SYT9: variants seen among roughly 807,000 people sequenced by gnomAD.
SYT9 encodes synaptotagmin-9.
A neutral mutation model predicts 48.4 loss-of-function variants in SYT9; 22 were observed. That is an observed-to-expected ratio of 0.45 (90% CI 0.32 to 0.65). The LOEUF is 0.65. Among genes scored for constraint, SYT9 ranks in the 30% least tolerant of loss-of-function variants. The pLI is 0.03. For synonymous variants in SYT9, 265 were observed against 245.0 expected (o/e 1.08, Z -0.76); for missense variants, 577 against 622.0 (o/e 0.93, Z 0.77).
chr11:7,249,164 C>A (rs1847829488), upstream of SYT9, among the ~76,000 whole-genome samples: 1 of 152,186 alleles, frequency 6.6e-6, no homozygotes, highest in Non-Finnish European at 1.5e-5. Flanking sequence ...ATTAGGGCTT[C>A]AACATAAGAA....
Position 7,344,929 on chromosome 11 carries a change from TACACACACAC to T in SYT9, c.1044+31013_1044+31022del, listed in dbSNP as rs60652691. On this transcript the variant is annotated intron_variant, in intron 3 of 6. Coordinates refer to ENST00000318881, the MANE Select transcript of SYT9 (RefSeq NM_175733.4). ...GAATTTTATAATCAGCTCATTATTT[TACACACACAC>T]ACACACACACACACACACACACACT... is the stretch of plus-strand genomic sequence containing the variant. Among the ~76,000 whole-genome samples, 386 of 148,986 alleles carry T rather than the reference TACACACACAC, an allele frequency of 2.6e-3. 1 individual carries two copies. Among genetic ancestry groups the T allele is most frequent in the African/African-American group, 6.5e-3 (265 of 40,596 alleles).
At position 7,466,658 on chromosome 11, in the gene SYT9, T is replaced by G. The variant is rs1590049483; in HGVS notation, c.1468-134T>G. The G allele has an allele frequency of 3.8e-6, 3 of 782,716 alleles. No individual in the cohort carries two copies. In the South Asian group the frequency reaches 5.4e-5, roughly 14 times the overall value. The allele number at this position is 782,716 out of a possible 1,614,324, so 48.5% of individuals were successfully genotyped here. On this transcript the variant is annotated intron_variant, in intron 6 of 6. Transcript: ENST00000318881. ...ATTGCTTGAACCCAGGAGGCGGAGGTTGCAGTGAGCCAAGATCGCGCCACT... is the reference window on the plus strand; with the variant it reads ...ATTGCTTGAACCCAGGAGGCGGAGGGTGCAGTGAGCCAAGATCGCGCCACT...
chr11:7,449,160 A>T lies in SYT9; in HGVS notation c.1468-17632A>T, dbSNP rs368021684. On this transcript the variant is annotated intron_variant, in intron 6 of 6. Transcript: ENST00000318881. ...GGAGTTTGAGACCAGCCTAGACAAC[A>T]TGGCAAAACCCTGTCTCTACTAAAA... Among the ~76,000 whole-genome samples the T allele has an allele frequency of 1.8e-4, 28 of 152,116 alleles. No homozygotes were observed. In the East Asian group the frequency reaches 5.4e-3, roughly 29 times the overall value.
At chr11:7,407,297 T>C (rs1222172787) in intron 3 of SYT9, among the ~76,000 whole-genome samples, 3 of 151,954 alleles carry the variant, frequency 2.0e-5, no homozygotes, top group Non-Finnish European at 4.4e-5. Context: ...GAATGATGTC[T>C]TGAAATGTTT....
At chr11:7,449,071 TG>T (rs1847990975) in intron 6 of SYT9, among the ~76,000 whole-genome samples, 1 of 152,034 alleles carries the variant, frequency 6.6e-6, no homozygotes, top group South Asian at 2.1e-4. Flanking sequence ...AGGTCAGGCA[TG>T]GTGGCTCACA....
At chr11:7,282,238 A>G (rs925610747) in intron 1 of SYT9, among the ~76,000 whole-genome samples, 2 of 152,220 alleles carry the variant, frequency 1.3e-5, no homozygotes, top group African/African-American at 4.8e-5. Context: ...AAAATAAGCA[A>G]CATTCTTTCA....
chr11:7,309,295 G>A lies in SYT9; in HGVS notation c.498-4100G>A, dbSNP rs954968188. On this transcript the variant is annotated intron_variant, in intron 2 of 6. Coordinates refer to ENST00000318881, the MANE Select transcript of SYT9 (RefSeq NM_175733.4). ...CATTAGGGTGTGGCTTATTAGTAGA[G>A]GAGATCATCTCTCAACTTTCCTTCT... Among the ~76,000 whole-genome samples, 4 of 152,270 alleles carry A rather than the reference G, an allele frequency of 2.6e-5. No homozygotes were observed. In the East Asian group the frequency reaches 5.8e-4, roughly 22 times the overall value.
chr11:7,277,579 A>C (rs989763583), intron 1 of SYT9, among the ~76,000 whole-genome samples: 2 of 152,240 alleles, frequency 1.3e-5, no homozygotes, highest in African/African-American at 4.8e-5. Context: ...GCACTTTTTC[A>C]GCAGTAAAGT....
rs1348749058 is a variant in SYT9 at position 7,367,089 on chromosome 11, TTTTTTTTTTC to T, written c.1045-48952_1045-48943del. On this transcript the variant is annotated intron_variant, in intron 3 of 6. Coordinates refer to ENST00000318881, the MANE Select transcript of SYT9 (RefSeq NM_175733.4). ...GAGACCATCTTTTTTTTTTTTTTTT[TTTTTTTTTTC>T]GAGACGGAGCCTCGCTCTGTCACCC... 3.5e-4 allele frequency among the ~76,000 whole-genome samples: 37 copies of T among 105,734 alleles called. 2 individuals are homozygous for T. Among genetic ancestry groups the T allele is most frequent in the African/African-American group, 1.0e-3 (32 of 30,644 alleles). The allele number at this position is 105,734 out of a possible 152,430, so 69.4% of individuals were successfully genotyped here. A position where few individuals can be genotyped will look rare whatever the true frequency, so the allele number is the denominator to read the frequency against.
At chr11:7,406,639 G>A (rs1413540959) in intron 3 of SYT9, among the ~76,000 whole-genome samples, 2 of 151,070 alleles carry the variant, frequency 1.3e-5, no homozygotes, top group African/African-American at 4.9e-5. Flanking sequence ...TGTTAAGAAT[G>A]CCCCTGAAGT....
chr11:7,307,807 T>C (rs1849059827), intron 2 of SYT9, among the ~76,000 whole-genome samples: 1 of 152,190 alleles, frequency 6.6e-6, no homozygotes, highest in Admixed American at 6.5e-5. Context: ...GTAGAGAAAG[T>C]TTTGGTGAAC....
rs575690844 is a variant in SYT9 at position 7,419,455 on chromosome 11, A to G, written c.1338-1051A>G. ...AAAATCACTCATCTTTGCAGGAGGG[A>G]AAAAAAAAAGAGAAAGTATGTGAGT... is the stretch of plus-strand genomic sequence containing the variant. On this transcript the variant is annotated intron_variant, in intron 5 of 6. Transcript: ENST00000318881. 1.9e-3 allele frequency among the ~76,000 whole-genome samples: 265 copies of G among 140,864 alleles called. 1 individual carries two copies. Among genetic ancestry groups the G allele is most frequent in the African/African-American group, 8.0e-3 (262 of 32,762 alleles). The allele number at this position is 140,864 out of a possible 152,430, so 92.4% of individuals were successfully genotyped here.
At chr11:7,379,208 A>G (rs1031344990) in intron 3 of SYT9, among the ~76,000 whole-genome samples, 3 of 152,192 alleles carry the variant, frequency 2.0e-5, no homozygotes, top group African/African-American at 4.8e-5. Context: ...TTGACTAGAC[A>G]TGCTCCCTGG....
At chr11:7,348,611 C>T (rs1849846135) in intron 3 of SYT9, among the ~76,000 whole-genome samples, 2 of 150,718 alleles carry the variant, frequency 1.3e-5, no homozygotes, top group African/African-American at 2.4e-5. Flanking sequence ...ATGAACTGAG[C>T]ACTCCCTCAG....
At chr11:7,266,798 C>T (rs1848192680) in intron 1 of SYT9, among the ~76,000 whole-genome samples, 1 of 151,936 alleles carries the variant, frequency 6.6e-6, no homozygotes, top group Admixed American at 6.6e-5. Context: ...AGACAATCAT[C>T]AGATTTGACC....
intron 6 of SYT9, chr11:7,441,708 T>C (rs1289733284): frequency 6.6e-6 from 1 of 152,172 alleles, no homozygotes; most frequent in East Asian, 1.9e-4. Flanking sequence ...AAAACGCACT[T>C]CTTGTAGCTC....
intron 3 of SYT9, among the ~76,000 whole-genome samples, chr11:7,394,540 GA>G (rs1317813326): frequency 6.6e-6 from 1 of 152,142 alleles, no homozygotes; most frequent in Non-Finnish European, 1.5e-5. Context: ...TAGCCACACT[GA>G]CTTGATTGTG....
intron 6 of SYT9, among the ~76,000 whole-genome samples, chr11:7,466,142 GTC>G (rs1848330349): frequency 6.6e-6 from 1 of 152,176 alleles, no homozygotes. Context: ...CCTTTGCACA[GTC>G]TCTTTCCTCT....
chr11:7,289,187 G>C (rs530534953), intron 1 of SYT9, among the ~76,000 whole-genome samples: 1 of 152,294 alleles, frequency 6.6e-6, no homozygotes, highest in African/African-American at 2.4e-5. Flanking sequence ...AGCTGCCTGA[G>C]CGCTCTGGCT....
Sources: allele counts gnomAD v4.1 joint callset (sites outside exome capture counted in the v4.1 genomes callset), GRCh38; gene constraint gnomAD v4.1.1; transcripts MANE v1.5; gene names NCBI Gene and HGNC (gene_info 2026-07-23, HGNC 2026-07-21).